PCSK2: variants seen among roughly 807,000 people sequenced by gnomAD.
The protein encoded by PCSK2 is proprotein convertase subtilisin/kexin type 2, also known as neuroendocrine convertase 2.
In PCSK2, 14 loss-of-function variants were observed where a neutral mutation model predicts 69.7. That is an observed-to-expected ratio of 0.20 (90% confidence interval 0.13 to 0.31). The LOEUF (loss-of-function observed/expected upper bound fraction) is 0.31. Ranked by LOEUF, PCSK2 falls within the 10% of genes least tolerant of loss-of-function variation. The probability of loss-of-function intolerance (pLI) is 1.00; values close to 1 mark genes in which losing one functional copy is unlikely to be tolerated. For missense variants in PCSK2, 544 were observed against 842.5 expected (o/e 0.65, Z 4.39); for synonymous variants, 307 against 320.7 (o/e 0.96, Z 0.46).
intron 2 of PCSK2, among the ~76,000 whole-genome samples, chr20:17,346,159 A>G (rs981662): frequency 0.39 from 58,718 of 151,952 alleles, 11,693 homozygotes; most frequent in East Asian, 0.55. Context: ...ATCATGAATC[A>G]ACAAAATGAA....
At chr20:17,394,942 GA>G (rs1432311962) in intron 5 of PCSK2, among the ~76,000 whole-genome samples, 1 of 152,178 alleles carries the variant, frequency 6.6e-6, no homozygotes, top group Non-Finnish European at 1.5e-5. Context: ...TCTTTCTTCA[GA>G]ACAGTTGGGG....
At chr20:17,249,422 G>A (rs553117294) in intron 1 of PCSK2, among the ~76,000 whole-genome samples, 12 of 151,058 alleles carry the variant, frequency 7.9e-5, no homozygotes, top group Non-Finnish European at 1.2e-4. Flanking sequence ...CAGGAGAATG[G>A]CGTTAACCTG....
intron 2 of PCSK2, among the ~76,000 whole-genome samples, chr20:17,325,906 C>G (rs894770665): frequency 5.3e-5 from 8 of 152,220 alleles, no homozygotes; most frequent in Non-Finnish European, 4.4e-5. Context: ...ATATTCTTCT[C>G]AAGCCACCAG....
chr20:17,384,281 T>A (rs1013712725), intron 5 of PCSK2, among the ~76,000 whole-genome samples: 2 of 152,174 alleles, frequency 1.3e-5, no homozygotes, highest in South Asian at 2.1e-4. Flanking sequence ...AGTGACTACA[T>A]ACTATTTAAA....
chr20:17,370,458 T>C (rs1282399220), intron 5 of PCSK2, among the ~76,000 whole-genome samples: 1 of 152,208 alleles, frequency 6.6e-6, no homozygotes, highest in African/African-American at 2.4e-5. Context: ...TCTTTTTTAA[T>C]ATTAGGAAAA....
rs1279195298 is a variant in PCSK2 at position 17,483,000 on chromosome 20, T to C, written c.*930T>C. The C allele has an allele frequency of 6.6e-6, 1 of 151,114 alleles. No individual in the cohort carries two copies. The highest frequency in any genetic ancestry group is 1.9e-4 in the East Asian group (1 of 5,146). 9.4% of individuals were successfully genotyped at this position (151,114 alleles called of 1,614,324 possible). A position where few individuals can be genotyped will look rare whatever the true frequency, so the allele number is the denominator to read the frequency against. On this transcript the variant is annotated 3_prime_UTR_variant, in exon 12 of 12. Coordinates refer to ENST00000262545, the MANE Select transcript of PCSK2 (RefSeq NM_002594.5). The stretch of plus-strand genomic sequence containing the variant: ...CCTAAGTCACTTTGAGGTGTCTCAA[T>C]CTGATCTGAGTGAGAGGCGACAGGA...
chr20:17,347,785 G>GATGAAAGA (rs1342827069), intron 2 of PCSK2, among the ~76,000 whole-genome samples: 1 of 86,646 alleles, frequency 1.2e-5, no homozygotes, highest in Non-Finnish European at 2.3e-5. Flanking sequence ...AAGACACATA[G>GATGAAAGA]ACGAAAGAAA....
intron 2 of PCSK2, among the ~76,000 whole-genome samples, chr20:17,308,418 T>C (rs1989397938): frequency 6.6e-6 from 1 of 152,190 alleles, no homozygotes; most frequent in Non-Finnish European, 1.5e-5. Flanking sequence ...GGGCTAAGAC[T>C]TGAATCCCCC....
At chr20:17,259,258 A>T (rs1040477115) in intron 1 of PCSK2, among the ~76,000 whole-genome samples, 1 of 152,172 alleles carries the variant, frequency 6.6e-6, no homozygotes, top group Non-Finnish European at 1.5e-5. Flanking sequence ...CATGTGTCCT[A>T]TTTCCAAAAA....
intron 2 of PCSK2, among the ~76,000 whole-genome samples, chr20:17,281,549 T>G (rs1277849578): frequency 6.6e-6 from 1 of 152,254 alleles, no homozygotes; most frequent in East Asian, 1.9e-4. Flanking sequence ...GGTCTGGGCA[T>G]GCCAATAACC....
At chr20:17,307,233 C>T (rs749936211) in intron 2 of PCSK2, among the ~76,000 whole-genome samples, 8 of 152,134 alleles carry the variant, frequency 5.3e-5, no homozygotes, top group Non-Finnish European at 8.8e-5. Context: ...AATTTTCAGA[C>T]TAATGGAAAA....
At chr20:17,369,397 T>C (rs1600526964) in intron 5 of PCSK2, 120 bp downstream of exon 5, 2 of 775,584 alleles carry the variant, frequency 2.6e-6, no homozygotes, top group East Asian at 5.2e-5. Flanking sequence ...TACAGGAGCA[T>C]GCACACACAC....
intron 11 of PCSK2, among the ~76,000 whole-genome samples, chr20:17,469,499 C>T (rs375795397): frequency 1.6e-4 from 24 of 151,862 alleles, no homozygotes; most frequent in African/African-American, 5.3e-4. Context: ...GAGGTGTGTC[C>T]TATCATTATT....
chr20:17,381,815 C>T (rs1284328980), intron 5 of PCSK2, among the ~76,000 whole-genome samples: 1 of 152,154 alleles, frequency 6.6e-6, no homozygotes, highest in African/African-American at 2.4e-5. Flanking sequence ...CTTTCTCTAT[C>T]ATGTAAAGAA....
intron 3 of PCSK2, among the ~76,000 whole-genome samples, chr20:17,359,437 T>C (rs2030316843): frequency 1.3e-5 from 2 of 152,234 alleles, no homozygotes; most frequent in African/African-American, 4.8e-5. Context: ...CGACTAATGC[T>C]TCATAATTGC....
chr20:17,313,751 T>A (rs1277412627), intron 2 of PCSK2, among the ~76,000 whole-genome samples: 1 of 152,162 alleles, frequency 6.6e-6, no homozygotes, highest in Non-Finnish European at 1.5e-5. Context: ...CAACTCTTGC[T>A]AATGGAAGGA....
intron 4 of PCSK2, among the ~76,000 whole-genome samples, chr20:17,366,403 C>T (rs1359293935): frequency 1.3e-5 from 2 of 152,168 alleles, no homozygotes; most frequent in Admixed American, 6.5e-5. Flanking sequence ...TCGGTACCCC[C>T]ATAGGCTGTG....
intron 11 of PCSK2, among the ~76,000 whole-genome samples, chr20:17,467,784 A>G (rs1333546390): frequency 1.3e-5 from 2 of 152,196 alleles, no homozygotes; most frequent in African/African-American, 4.8e-5. Flanking sequence ...GCAACACACA[A>G]GTCTACAGCA....
intron 8 of PCSK2, among the ~76,000 whole-genome samples, chr20:17,449,540 G>GTATGTATGTATATATATATATATA (rs1568655123): frequency 4.9e-5 from 2 of 40,692 alleles, no homozygotes; most frequent in African/African-American, 2.1e-4. Flanking sequence ...ATATATATAT[G>GTATGTATGTATATATATATATATA]TATATTTGAG....
Sources: gnomAD v4.1 joint callset for allele counts (sites outside exome capture counted in the v4.1 genomes callset) on GRCh38, gnomAD v4.1.1 for gene constraint, MANE v1.5 for transcripts, NCBI Gene and HGNC (gene_info 2026-07-23, HGNC 2026-07-21) for gene names.